The following DNAJC1 variants were observed in gnomAD, a reference collection of about 807,000 sequenced individuals.
The protein encoded by DNAJC1 is DnaJ heat shock protein family (Hsp40) member C1, also known as dnaJ homolog subfamily C member 1.
A neutral mutation model predicts 76.6 loss-of-function variants in DNAJC1; 58 were observed. The observed-to-expected ratio is 0.76, with a 90% CI of 0.61 to 0.94. The LOEUF (loss-of-function observed/expected upper bound fraction) is 0.94, where lower values mean the gene tolerates loss of function less well. Among genes scored for constraint, DNAJC1 ranks in the 40% least tolerant of loss-of-function variants. The pLI is 0.00. For missense variants in DNAJC1, 689 were observed against 677.3 expected (o/e 1.02, Z -0.19); for synonymous variants, 258 against 267.9 (o/e 0.96, Z 0.36).
intron 9 of DNAJC1, among the ~76,000 whole-genome samples, chr10:21,770,876 C>G (rs1256824988): frequency 6.6e-6 from 1 of 151,972 alleles, no homozygotes; most frequent in Non-Finnish European, 1.5e-5. Flanking sequence ...AATTTTGAAG[C>G]TTTTGGTTGC....
intron 9 of DNAJC1, among the ~76,000 whole-genome samples, chr10:21,777,220 G>C (rs562479976): frequency 2.0e-5 from 3 of 152,180 alleles, no homozygotes; most frequent in Admixed American, 1.3e-4. Context: ...CCATTCTTTA[G>C]GTAAGATATA....
intron 4 of DNAJC1, among the ~76,000 whole-genome samples, chr10:21,920,199 T>C (rs1837018554): frequency 6.6e-6 from 1 of 152,040 alleles, no homozygotes; most frequent in African/African-American, 2.4e-5. Flanking sequence ...TTCAACTCAC[T>C]TTTTCTCATT....
At chr10:21,961,850 T>A (rs1837797172) in intron 1 of DNAJC1, among the ~76,000 whole-genome samples, 1 of 152,170 alleles carries the variant, frequency 6.6e-6, no homozygotes, top group Non-Finnish European at 1.5e-5. Flanking sequence ...TCATTATCTC[T>A]CTGAACTCAT....
chr10:21,874,627 G>T (rs997956544), intron 8 of DNAJC1, among the ~76,000 whole-genome samples: 1 of 152,076 alleles, frequency 6.6e-6, no homozygotes, highest in African/African-American at 2.4e-5. Flanking sequence ...CCAGAAGAGG[G>T]GAGATCAGAG....
At chr10:21,998,329 G>T (rs1838453054) in intron 1 of DNAJC1, among the ~76,000 whole-genome samples, 1 of 140,710 alleles carries the variant, frequency 7.1e-6, no homozygotes, top group African/African-American at 2.7e-5. Context: ...GGCAGAGGTT[G>T]CAATGAGCCA....
At chr10:21,981,061 A>C (rs1302264498) in intron 1 of DNAJC1, among the ~76,000 whole-genome samples, 3 of 152,158 alleles carry the variant, frequency 2.0e-5, no homozygotes, top group Admixed American at 6.6e-5. Flanking sequence ...TATGTTTATT[A>C]ATGCAAATTA....
chr10:21,820,135 T>C (rs1049483000), intron 8 of DNAJC1, among the ~76,000 whole-genome samples: 1 of 152,214 alleles, frequency 6.6e-6, no homozygotes, highest in East Asian at 1.9e-4. Flanking sequence ...ACTAATTTAC[T>C]TTCTGTCTCT....
At position 21,984,816 on chromosome 10, in the gene DNAJC1, A is replaced by C. The variant is rs1201518049; in HGVS notation, c.222+18397T>G. Reference sequence around the variant, plus strand: ...ATTTTAATGAATATCAAAACTAAAAACATAGTGAGACCAAGTTCTGACAGC... The same window carrying C: ...ATTTTAATGAATATCAAAACTAAAACCATAGTGAGACCAAGTTCTGACAGC... On this transcript the variant is annotated intron_variant, in intron 1 of 11. Transcript: ENST00000376980. Among the ~76,000 whole-genome samples, 7 of 152,318 alleles carry C rather than the reference A, an allele frequency of 4.6e-5. No homozygotes were observed. The East Asian group carries it at 7.7e-4, about 17-fold the overall frequency.
intron 9 of DNAJC1, among the ~76,000 whole-genome samples, chr10:21,770,585 G>A (rs1396276144): frequency 6.6e-6 from 1 of 151,938 alleles, no homozygotes; most frequent in African/African-American, 2.4e-5. Context: ...TTTTAGTAGA[G>A]ATGGGGTTTC....
At chr10:21,764,935 C>A (rs1834280823) in intron 10 of DNAJC1, among the ~76,000 whole-genome samples, 1 of 152,158 alleles carries the variant, frequency 6.6e-6, no homozygotes, top group Non-Finnish European at 1.5e-5. Context: ...CAGGTGTTGC[C>A]TCAGAGATGC....
At chr10:21,765,369 G>A (rs955334353) in intron 10 of DNAJC1, among the ~76,000 whole-genome samples, 8 of 152,222 alleles carry the variant, frequency 5.3e-5, no homozygotes, top group Middle Eastern at 3.4e-3. Flanking sequence ...CCCGGCTGGG[G>A]TGGCTTTTTG....
At chr10:21,772,393 C>A (rs1834396755) in intron 9 of DNAJC1, among the ~76,000 whole-genome samples, 1 of 147,340 alleles carries the variant, frequency 6.8e-6, no homozygotes. Context: ...ACTAATTCAA[C>A]CTTTTTACTA....
chr10:21,979,599 T>C (rs1199491059), intron 1 of DNAJC1, among the ~76,000 whole-genome samples: 2 of 152,076 alleles, frequency 1.3e-5, no homozygotes, highest in African/African-American at 4.8e-5. Context: ...TATATGGTTT[T>C]ACAGTGGGAA....
chr10:21,794,873 G>A (rs1267404310), intron 9 of DNAJC1, among the ~76,000 whole-genome samples: 1 of 152,018 alleles, frequency 6.6e-6, no homozygotes, highest in African/African-American at 2.4e-5. Flanking sequence ...TCTCCAAAAT[G>A]CTTGTGACCA....
At chr10:21,830,627 T>C (rs1410424031) in intron 8 of DNAJC1, among the ~76,000 whole-genome samples, 1 of 152,226 alleles carries the variant, frequency 6.6e-6, no homozygotes, top group African/African-American at 2.4e-5. Flanking sequence ...TTTCTCTTTC[T>C]TACCAATTCT....
At chr10:21,854,757 A>T (rs996375688) in intron 8 of DNAJC1, among the ~76,000 whole-genome samples, 1 of 152,214 alleles carries the variant, frequency 6.6e-6, no homozygotes, top group African/African-American at 2.4e-5. Flanking sequence ...ACTTATAATT[A>T]GGTTTAACAA....
chr10:21,969,636 A>C (rs1564841253), intron 1 of DNAJC1, among the ~76,000 whole-genome samples: 1 of 152,326 alleles, frequency 6.6e-6, no homozygotes, highest in East Asian at 1.9e-4. Flanking sequence ...AGTAATTCCG[A>C]TAGGGTTATT....
intron 7 of DNAJC1, 81 bp downstream of exon 7, chr10:21,904,441 A>G (rs908541683): frequency 1.1e-6 from 1 of 920,406 alleles, no homozygotes; most frequent in Non-Finnish European, 1.5e-6. Flanking sequence ...AAATTTAATT[A>G]CTGCTGAATT....
intron 8 of DNAJC1, among the ~76,000 whole-genome samples, chr10:21,856,829 G>A (rs570690793): frequency 2.0e-5 from 3 of 151,850 alleles, no homozygotes; most frequent in South Asian, 2.1e-4. Flanking sequence ...CTCTGCCTCC[G>A]GAGTTCAAGC....
Sources: gnomAD v4.1 joint callset for allele counts (sites outside exome capture counted in the v4.1 genomes callset) on GRCh38, gnomAD v4.1.1 for gene constraint, MANE v1.5 for transcripts, NCBI Gene and HGNC (gene_info 2026-07-23, HGNC 2026-07-21) for gene names.